GCNT2: variants seen among roughly 807,000 people sequenced by gnomAD.
The protein encoded by GCNT2 is N-acetyllactosaminide beta-1,6-N-acetylglucosaminyl-transferase.
In GCNT2, 34 loss-of-function variants were observed where a neutral mutation model predicts 34.2. The ratio of observed to expected loss-of-function variants is 1.00; its 90% CI spans 0.76 to 1.32. The LOEUF (loss-of-function observed/expected upper bound fraction) is 1.32, where lower values mean the gene tolerates loss of function less well. Ranked by LOEUF, GCNT2 falls within the 40% of genes most tolerant of loss-of-function variation. The pLI is 0.00. For missense variants in GCNT2, 584 were observed against 489.4 expected, an observed-to-expected ratio of 1.19 and a Z score of -1.82; for synonymous variants, 212 against 188.0, an observed-to-expected ratio of 1.13 and a Z score of -1.04.
intron 3 of GCNT2, among the ~76,000 whole-genome samples, chr6:10,573,743 A>C (rs1016392973): frequency 6.6e-6 from 1 of 152,228 alleles, no homozygotes; most frequent in Non-Finnish European, 1.5e-5. Flanking sequence ...TTGCAGGTGC[A>C]CCAGCAGGCC....
At chr6:10,566,906 A>G (rs1763307714) in intron 3 of GCNT2, among the ~76,000 whole-genome samples, 1 of 152,214 alleles carries the variant, frequency 6.6e-6, no homozygotes, top group Admixed American at 6.5e-5. Flanking sequence ...CATTCTCTTG[A>G]TGGAGTTTGC....
At chr6:10,614,726 T>C (rs1765694202) in intron 3 of GCNT2, among the ~76,000 whole-genome samples, 2 of 152,010 alleles carry the variant, frequency 1.3e-5, no homozygotes, top group East Asian at 3.8e-4. Flanking sequence ...CCATGTCCTA[T>C]TGGGAAATCA....
At chr6:10,622,680 A>G (rs1175650726) in intron 4 of GCNT2, among the ~76,000 whole-genome samples, 1 of 151,752 alleles carries the variant, frequency 6.6e-6, no homozygotes, top group Admixed American at 6.6e-5. Context: ...ATGAATGACA[A>G]TATGGTGGTT....
intron 3 of GCNT2, among the ~76,000 whole-genome samples, chr6:10,615,565 G>A (rs752132064): frequency 3.9e-5 from 6 of 152,132 alleles, no homozygotes; most frequent in Admixed American, 6.5e-5. Flanking sequence ...CTACCTGCCT[G>A]TTACAGGAAA....
At position 10,628,004 on chromosome 6, in the gene GCNT2, A is replaced by G. The variant is rs537894984; in HGVS notation, c.*1397A>G. The G allele has an allele frequency of 6.5e-6, 1 of 152,732 alleles. No homozygotes were observed. Among genetic ancestry groups the G allele is most frequent in the African/African-American group, 2.4e-5 (1 of 41,562 alleles). The allele number at this position is 152,732 out of a possible 1,614,324, so 9.5% of individuals were successfully genotyped here. On this transcript the variant is annotated 3_prime_UTR_variant, in exon 5 of 5. Coordinates refer to ENST00000495262, the MANE Select transcript of GCNT2 (RefSeq NM_145649.5). ...TTATATAATTACTCCCATTTTGCAG[A>G]TGAAGTAACTGAGGCTTAGAAAGGT...
chr6:10,610,147 G>A (rs1765486545), intron 3 of GCNT2, among the ~76,000 whole-genome samples: 1 of 152,230 alleles, frequency 6.6e-6, no homozygotes, highest in African/African-American at 2.4e-5. Flanking sequence ...AAAGGTATGT[G>A]TTTGAGCAAT....
intron 3 of GCNT2, chr6:10,555,869 G>T (rs1762676697): frequency 1.0e-6 from 1 of 992,440 alleles, no homozygotes; most frequent in Non-Finnish European, 1.2e-6. Flanking sequence ...CTATCCCGTG[G>T]GTTGCGCTGG....
intron 3 of GCNT2, among the ~76,000 whole-genome samples, chr6:10,617,004 A>G (rs1166171954): frequency 6.6e-6 from 1 of 151,964 alleles, no homozygotes; most frequent in Non-Finnish European, 1.5e-5. Flanking sequence ...TACCCAGTGG[A>G]TCCCGCACCA....
intron 4 of GCNT2, among the ~76,000 whole-genome samples, chr6:10,622,614 T>C (rs1056000494): frequency 3.3e-5 from 5 of 151,996 alleles, no homozygotes; most frequent in African/African-American, 1.2e-4. Context: ...ATTCAGTCCA[T>C]AATATGCAAT....
intron 3 of GCNT2, chr6:10,557,258 C>A (rs1362510561): frequency 6.2e-7 from 1 of 1,611,116 alleles, no homozygotes; most frequent in East Asian, 2.2e-5. Context: ...TCTGCATGAC[C>A]CACGGGCTGT....
intron 3 of GCNT2, among the ~76,000 whole-genome samples, chr6:10,539,404 G>C (rs1761936475): frequency 6.6e-6 from 1 of 151,782 alleles, no homozygotes; most frequent in Non-Finnish European, 1.5e-5. Flanking sequence ...GGTCAGGCTG[G>C]TCTCGAACTC....
intron 3 of GCNT2, among the ~76,000 whole-genome samples, chr6:10,574,334 A>G (rs1056314829): frequency 6.6e-6 from 1 of 152,122 alleles, no homozygotes; most frequent in Non-Finnish European, 1.5e-5. Context: ...CAACCTCTTT[A>G]ACTCTCACCG....
intron 3 of GCNT2, among the ~76,000 whole-genome samples, chr6:10,576,893 G>A (rs1028405997): frequency 6.6e-5 from 10 of 151,940 alleles, no homozygotes; most frequent in Admixed American, 3.9e-4. Context: ...GGGCAAAATA[G>A]CTAGACTCCA....
At chr6:10,573,392 TGGGCA>T in intron 3 of GCNT2, 10 of 656,598 alleles carry the variant, frequency 1.5e-5, no homozygotes, top group South Asian at 1.4e-4. Context: ...TGTTAACAGC[TGGGCA>T]GTTAACACCA....
In GCNT2 at chr6:10,577,743, G is replaced by T. The variant is rs542672422; in HGVS notation, c.926-43608G>T. On this transcript the variant is annotated intron_variant, in intron 3 of 4. Transcript: ENST00000495262. The stretch of plus-strand genomic sequence containing the variant: ...TTTAGTAGAGACGGAGTTTCACCAT[G>T]TTGGCCAGGCTGGTCTTGAACTCCT... 2.0e-5 allele frequency among the ~76,000 whole-genome samples: 3 copies of T among 151,998 alleles called. No individual in the cohort carries two copies. In the East Asian group the frequency reaches 5.8e-4, roughly 30 times the overall value.
intron 3 of GCNT2, among the ~76,000 whole-genome samples, chr6:10,569,906 CTTT>C (rs1455082285): frequency 7.0e-6 from 1 of 143,748 alleles, no homozygotes; most frequent in Admixed American, 7.2e-5. Flanking sequence ...TCCTTCCTTC[CTTT>C]TTCCTTCCTT....
chr6:10,615,900 G>C (rs1765738046), intron 3 of GCNT2, among the ~76,000 whole-genome samples: 1 of 152,184 alleles, frequency 6.6e-6, no homozygotes, highest in Non-Finnish European at 1.5e-5. Flanking sequence ...GGTGGGTTTT[G>C]GGCGGCTCCT....
chr6:10,582,744 CAG>C (rs1482057912), intron 3 of GCNT2, among the ~76,000 whole-genome samples: 1 of 149,986 alleles, frequency 6.7e-6, no homozygotes, highest in East Asian at 1.9e-4. Flanking sequence ...TTACTAAGAA[CAG>C]AAATCAAAAT....
chr6:10,604,508 ACT>A, intron 3 of GCNT2, among the ~76,000 whole-genome samples: 1 of 152,208 alleles, frequency 6.6e-6, no homozygotes, highest in South Asian at 2.1e-4. Context: ...TGAAAAATAA[ACT>A]CTCTCCTTAC....
Sources: allele counts gnomAD v4.1 joint callset (sites outside exome capture counted in the v4.1 genomes callset), GRCh38; gene constraint gnomAD v4.1.1; transcripts MANE v1.5; gene names NCBI Gene and HGNC (gene_info 2026-07-23, HGNC 2026-07-21).